EVL: variants seen among roughly 807,000 people sequenced by gnomAD.
The protein encoded by EVL is ena/VASP-like protein.
A neutral mutation model predicts 59.6 loss-of-function variants in EVL; 21 were observed. That is an observed-to-expected ratio of 0.35 (90% confidence interval 0.25 to 0.51). EVL has a LOEUF of 0.51. Ranked by LOEUF, EVL falls within the 20% of genes least tolerant of loss-of-function variation. The pLI, the probability that EVL is intolerant of heterozygous loss-of-function variation, is 0.97. For missense variants in EVL, 462 were observed against 546.6 expected, an observed-to-expected ratio of 0.85 and a Z score of 1.54; for synonymous variants, 198 against 203.5, an observed-to-expected ratio of 0.97 and a Z score of 0.23.
chr14:100,128,947 C>A (rs904156629), intron 6 of EVL, among the ~76,000 whole-genome samples, 199 bp downstream of exon 6: 1 of 152,228 alleles, frequency 6.6e-6, no homozygotes, highest in African/African-American at 2.4e-5. Context: ...AGCCTTTGAG[C>A]CTCACGTTGA....
intron 1 of EVL, among the ~76,000 whole-genome samples, chr14:99,975,775 G>C (rs2060766217): frequency 1.3e-5 from 2 of 152,208 alleles, no homozygotes; most frequent in South Asian, 4.1e-4. Context: ...CCTGGTTCCT[G>C]ACAGGCCATG....
chr14:100,083,421 G>A (rs61984511), intron 1 of EVL, among the ~76,000 whole-genome samples: 4,610 of 151,420 alleles, frequency 0.03, 113 homozygotes, highest in Non-Finnish European at 0.047. Context: ...GCTGGAGTGC[G>A]GTGGCACAAT....
intron 1 of EVL, among the ~76,000 whole-genome samples, chr14:100,026,010 G>A (rs1210394079): frequency 6.6e-6 from 1 of 152,058 alleles, no homozygotes; most frequent in East Asian, 1.9e-4. Context: ...TAGCATTTTG[G>A]GAGGCTGAGG....
chr14:100,084,074 G>T, intron 1 of EVL, among the ~76,000 whole-genome samples: 1 of 136,062 alleles, frequency 7.3e-6, no homozygotes. Context: ...TTTTTTCCGA[G>T]ACAGTTTCAC....
intron 1 of EVL, among the ~76,000 whole-genome samples, chr14:100,071,871 A>G (rs1389495351): frequency 6.6e-6 from 1 of 152,198 alleles, no homozygotes; most frequent in Non-Finnish European, 1.5e-5. Context: ...TACTTCTCAC[A>G]GGCCTGAAGT....
chr14:99,982,271 T>G (rs2060812067), intron 1 of EVL, among the ~76,000 whole-genome samples: 1 of 152,224 alleles, frequency 6.6e-6, no homozygotes. Context: ...CCTTACTAAA[T>G]ATTCTTTGAA....
At chr14:100,035,368 C>T (rs1286442595) in intron 1 of EVL, among the ~76,000 whole-genome samples, 2 of 150,262 alleles carry the variant, frequency 1.3e-5, no homozygotes, top group African/African-American at 2.5e-5. Flanking sequence ...GCTGCTCACT[C>T]CCTCAGATGG....
intron 1 of EVL, among the ~76,000 whole-genome samples, chr14:100,017,977 A>T (rs1407685554): frequency 2.0e-5 from 3 of 152,240 alleles, no homozygotes; most frequent in African/African-American, 7.2e-5. Context: ...CTTCGTGCGA[A>T]TGCATGTACT....
At chr14:100,011,284 C>T (rs1423947109) in intron 1 of EVL, among the ~76,000 whole-genome samples, 1 of 152,150 alleles carries the variant, frequency 6.6e-6, no homozygotes, top group Non-Finnish European at 1.5e-5. Context: ...TAGAACATTC[C>T]TGGAGAAGGT....
chr14:100,141,053 T>G, intron 11 of EVL, 127 bp from the exon 12 acceptor site: 1 of 807,608 alleles, frequency 1.2e-6, no homozygotes, highest in Non-Finnish European at 1.9e-6. Flanking sequence ...GTGGCCAGAG[T>G]CTGAAGCAAG....
At chr14:100,001,213 T>A (rs1370677113) in intron 1 of EVL, among the ~76,000 whole-genome samples, 5 of 152,174 alleles carry the variant, frequency 3.3e-5, no homozygotes, top group Non-Finnish European at 7.3e-5. Flanking sequence ...GGATTAAGTT[T>A]GCAAGGCTTT....
chr14:99,994,549 C>T (rs914494754), intron 1 of EVL, among the ~76,000 whole-genome samples: 2 of 152,116 alleles, frequency 1.3e-5, no homozygotes, highest in Non-Finnish European at 2.9e-5. Flanking sequence ...AAACTCTACT[C>T]CTTTACATCC....
intron 1 of EVL, among the ~76,000 whole-genome samples, chr14:100,048,717 C>T (rs1362258876): frequency 2.6e-5 from 4 of 152,044 alleles, no homozygotes; most frequent in Non-Finnish European, 4.4e-5. Context: ...ACTTGTAATA[C>T]GTCCATACAA....
chr14:100,109,927 G>A lies in EVL; in HGVS notation c.358+12269G>A, dbSNP rs1321637830. On this transcript the variant is annotated intron_variant, in intron 3 of 13. Coordinates refer to ENST00000392920, the MANE Select transcript of EVL (RefSeq NM_016337.3). The surrounding 1 kb of genome is among the most constrained non-coding windows in gnomAD (Gnocchi z 4.3). ...GCCCTTGGGCATGTCACTGACCTAAGACTCAGTTTCGCCATCTGTGAAATG... is the reference window on the plus strand; with the variant it reads ...GCCCTTGGGCATGTCACTGACCTAAAACTCAGTTTCGCCATCTGTGAAATG... 6.6e-6 allele frequency among the ~76,000 whole-genome samples: 1 copy of A among 152,218 alleles called. No homozygotes were observed. Among genetic ancestry groups the A allele is most frequent in the Non-Finnish European group, 1.5e-5 (1 of 68,046 alleles).
chr14:100,020,435 T>G (rs1322674903), intron 1 of EVL, among the ~76,000 whole-genome samples: 2 of 151,760 alleles, frequency 1.3e-5, no homozygotes, highest in African/African-American at 2.4e-5. Context: ...TGTGCATATT[T>G]CCACCTCTCT....
At chr14:100,140,852 C>T (rs1889123753) in intron 11 of EVL, 1 of 232,802 alleles carries the variant, frequency 4.3e-6, no homozygotes, top group Non-Finnish European at 8.3e-6. Context: ...TGTTTCTTTC[C>T]AGGGAGGCAA....
At chr14:100,079,902 C>T (rs1451059556) in intron 1 of EVL, among the ~76,000 whole-genome samples, 5 of 152,152 alleles carry the variant, frequency 3.3e-5, no homozygotes, top group African/African-American at 9.7e-5. Flanking sequence ...ATTTTTTCTG[C>T]ATCCTCCTGA....
At chr14:100,087,798 G>A (rs572351326) in intron 2 of EVL, among the ~76,000 whole-genome samples, 3 of 152,140 alleles carry the variant, frequency 2.0e-5, no homozygotes, top group African/African-American at 7.2e-5. Context: ...GCTCTGCGTG[G>A]GTCATTCTTC....
intron 7 of EVL, 95 bp from the exon 8 acceptor site, chr14:100,132,624 A>G (rs1206703648): frequency 7.4e-6 from 10 of 1,351,998 alleles, no homozygotes; most frequent in Non-Finnish European, 1.1e-5. Flanking sequence ...TTATCTGAGG[A>G]CCGGGGTGAG....
Sources: allele counts gnomAD v4.1 joint callset (sites outside exome capture counted in the v4.1 genomes callset), GRCh38; gene constraint gnomAD v4.1.1; non-coding constraint Gnocchi (gnomAD v3.1); transcripts MANE v1.5; gene names NCBI Gene and HGNC (gene_info 2026-07-23, HGNC 2026-07-21).